MYO6: variants seen among roughly 807,000 people sequenced by gnomAD.
MYO6 encodes the protein unconventional myosin-VI.
MYO6 carries 74 observed loss-of-function variants against 178.7 expected under a neutral mutation model. That is an observed-to-expected ratio of 0.41 (90% CI 0.34 to 0.50). The LOEUF (loss-of-function observed/expected upper bound fraction) is 0.50. Ranked by LOEUF, MYO6 falls within the 20% of genes least tolerant of loss-of-function variation. The pLI, the probability that MYO6 is intolerant of heterozygous loss-of-function variation, is 0.09. For synonymous variants in MYO6, 477 were observed against 504.6 expected (o/e 0.95, Z 0.73); for missense variants, 1,330 against 1,547.4 (o/e 0.86, Z 2.36).
At chr6:75,858,169 A>G (rs1160762094) in intron 13 of MYO6, among the ~76,000 whole-genome samples, 1 of 152,122 alleles carries the variant, frequency 6.6e-6, no homozygotes, top group African/African-American at 2.4e-5. Flanking sequence ...CATGCAATAT[A>G]ATCTCTTGAT....
intron 1 of MYO6, among the ~76,000 whole-genome samples, chr6:75,771,743 T>C (rs1765913751): frequency 1.3e-5 from 2 of 152,210 alleles, no homozygotes; most frequent in South Asian, 4.1e-4. Flanking sequence ...ATACCTGTGC[T>C]ACAGCTTAAA....
At chr6:75,864,008 C>A (rs1487130494) in intron 16 of MYO6, among the ~76,000 whole-genome samples, 3 of 152,090 alleles carry the variant, frequency 2.0e-5, no homozygotes, top group Non-Finnish European at 4.4e-5. Flanking sequence ...GCTAGCCACA[C>A]AAATGGATGT....
At chr6:75,804,090 C>T (rs1296057025) in intron 1 of MYO6, among the ~76,000 whole-genome samples, 1 of 152,184 alleles carries the variant, frequency 6.6e-6, no homozygotes, top group Non-Finnish European at 1.5e-5. Context: ...GACAAGGTCC[C>T]ACTATGTTGC....
intron 1 of MYO6, among the ~76,000 whole-genome samples, chr6:75,769,188 G>A (rs1778703192): frequency 6.6e-6 from 1 of 152,160 alleles, no homozygotes; most frequent in African/African-American, 2.4e-5. Context: ...GAGATTTGGA[G>A]GGAGCAAATG....
At position 75,857,011 on chromosome 6, in the gene MYO6, T is replaced by C. The variant is rs1225595809; in HGVS notation, c.1224-86T>C. 2.1e-5 allele frequency: 26 copies of C among 1,264,044 alleles called. 1 individual carries two copies. The highest frequency in any genetic ancestry group is 1.6e-4 in the South Asian group (13 of 81,176). 78.3% of individuals were successfully genotyped at this position (1,264,044 alleles called of 1,614,324 possible). ...TTGGTAACTCTTTATTTTGTTCTTC[T>C]CTGTGTGTATGTTTAGGTGCACTCT... On this transcript the variant is annotated intron_variant, in intron 12 of 34. Coordinates refer to ENST00000369977, the MANE Select transcript of MYO6 (RefSeq NM_004999.4).
At chr6:75,756,132 T>C (rs940913728) in intron 1 of MYO6, among the ~76,000 whole-genome samples, 4 of 152,058 alleles carry the variant, frequency 2.6e-5, no homozygotes, top group Non-Finnish European at 4.4e-5. Context: ...CGGTGATGCT[T>C]ACCTGTAGTC....
In MYO6 at chr6:75,865,355, C is replaced by CTTTTTTTTTTT. The variant is rs386407605; in HGVS notation, c.1675-1155_1675-1145dup. 4.6e-5 allele frequency: 3 copies of CTTTTTTTTTTT among 64,870 alleles called. 1 individual carries two copies. Among genetic ancestry groups the CTTTTTTTTTTT allele is most frequent in the African/African-American group, 1.6e-4 (3 of 18,360 alleles). 4.0% of individuals were successfully genotyped at this position (64,870 alleles called of 1,614,324 possible). A position where few individuals can be genotyped will look rare whatever the true frequency, so the allele number is the denominator to read the frequency against. Reference sequence around the variant, plus strand: ...GTAGACTCTCAATTTTAAATGATGTCTTTTTTTTTTTTTTTTTTTTTTTTT... The same window carrying CTTTTTTTTTTT: ...GTAGACTCTCAATTTTAAATGATGTCTTTTTTTTTTTTTTTTTTTTTTTTTTTTTTTTTTTT... On this transcript the variant is annotated intron_variant, in intron 16 of 34. Transcript: ENST00000369977.
At position 75,835,916 on chromosome 6, in the gene MYO6, C is replaced by G; in HGVS notation, c.513C>G (p.Ser171=). The G allele has an allele frequency of 6.2e-7, 1 of 1,603,826 alleles. No homozygotes were observed. Among genetic ancestry groups the G allele is most frequent in the East Asian group, 2.2e-5 (1 of 44,772 alleles). Residue 171 remains serine, a synonymous_variant, in exon 7 of 35, where the codon TCC becomes TCG. Coordinates refer to ENST00000369977, the MANE Select transcript of MYO6 (RefSeq NM_004999.4). ...TKFVLRYLTE[S]YGTGQDIDDR... ...TTTTAAACAGATACCTGACTGAATC[C>G]TATGGAACAGGTCAAGATATTGATG...
At chr6:75,812,020 T>C (rs1327782055) in intron 1 of MYO6, among the ~76,000 whole-genome samples, 1 of 152,000 alleles carries the variant, frequency 6.6e-6, no homozygotes, top group African/African-American at 2.4e-5. Flanking sequence ...TTCTGTTTTT[T>C]GTTTTTTGTT....
chr6:75,757,970 G>A (rs1170785486), intron 1 of MYO6, among the ~76,000 whole-genome samples: 1 of 125,354 alleles, frequency 8.0e-6, no homozygotes, highest in Non-Finnish European at 1.6e-5. Flanking sequence ...TCTTGAAGTT[G>A]GCTTTTTTTT....
At chr6:75,768,326 CATTTTATTTTATTTTATTTT>C (rs57473480) in intron 1 of MYO6, among the ~76,000 whole-genome samples, 32,459 of 119,310 alleles carry the variant, frequency 0.27, 4,531 homozygotes, top group African/African-American at 0.33. Context: ...GTAAATAATT[CATTTTATTTTATTTTATTTT>C]ATTTTATTTT....
At chr6:75,842,020 T>G (rs1400442265) in intron 9 of MYO6, among the ~76,000 whole-genome samples, 3 of 152,238 alleles carry the variant, frequency 2.0e-5, no homozygotes, top group Non-Finnish European at 4.4e-5. Flanking sequence ...TAAAAATGTT[T>G]GAACACTAAA....
chr6:75,881,897 G>C, intron 23 of MYO6, 79 bp downstream of exon 23: 1 of 1,549,080 alleles, frequency 6.5e-7, no homozygotes, highest in Non-Finnish European at 8.9e-7. Context: ...CTGTCTCAGA[G>C]GTGATGCTGA....
intron 1 of MYO6, among the ~76,000 whole-genome samples, chr6:75,800,064 T>C (rs1271118826): frequency 1.3e-5 from 2 of 152,168 alleles, no homozygotes; most frequent in Admixed American, 1.3e-4. Flanking sequence ...AAATACTAAT[T>C]TTTTTTCTGG....
At chr6:75,888,386 G>A (rs531041616) in intron 25 of MYO6, among the ~76,000 whole-genome samples, 34 of 152,186 alleles carry the variant, frequency 2.2e-4, no homozygotes, top group Non-Finnish European at 3.8e-4. Context: ...AGGCCCAGGC[G>A]CAGGGATCAC....
intron 1 of MYO6, 97 bp from the exon 2 acceptor site, chr6:75,817,404 T>C (rs1375086833): frequency 6.9e-6 from 5 of 725,142 alleles, no homozygotes; most frequent in Non-Finnish European, 1.2e-5. Flanking sequence ...TGTTTGTTAG[T>C]TGGGACTTAC....
intron 1 of MYO6, among the ~76,000 whole-genome samples, chr6:75,769,555 T>G (rs1294361328): frequency 1.3e-5 from 2 of 152,214 alleles, no homozygotes; most frequent in African/African-American, 2.4e-5. Flanking sequence ...CTGGTGCAAG[T>G]CGTGGGCTCC....
rs532748254 is a variant in MYO6 at position 75,847,676 on chromosome 6, C to CAT, written c.898-664_898-663dup. Among the ~76,000 whole-genome samples, 72 of 150,768 alleles carry CAT rather than the reference C, an allele frequency of 4.8e-4. No homozygotes were observed. In the South Asian group the frequency reaches 5.3e-3, roughly 11 times the overall value. ...TATAATGCTTACTAATATACTTTAC[C>CAT]ATATATATATATGCATATAAAAAGG... On this transcript the variant is annotated intron_variant, in intron 10 of 34. Transcript: ENST00000369977.
chr6:75,765,138 T>A (rs911239856), intron 1 of MYO6, among the ~76,000 whole-genome samples: 1 of 151,370 alleles, frequency 6.6e-6, no homozygotes, highest in Non-Finnish European at 1.5e-5. Context: ...TAGAGGTAAT[T>A]TCACATATAA....
Sources: gnomAD v4.1 joint callset for allele counts (sites outside exome capture counted in the v4.1 genomes callset) on GRCh38, gnomAD v4.1.1 for gene constraint, MANE v1.5 for transcripts, NCBI Gene and HGNC (gene_info 2026-07-23, HGNC 2026-07-21) for gene names.